The following FTO variants were observed in gnomAD, a reference collection of about 807,000 sequenced individuals.
The protein encoded by FTO is FTO alpha-ketoglutarate dependent dioxygenase.
A neutral mutation model predicts 63.9 loss-of-function variants in FTO; 47 were observed. That is an observed-to-expected ratio of 0.74 (90% CI 0.58 to 0.94). The LOEUF is 0.94. Ranked by LOEUF, FTO falls within the 40% of genes least tolerant of loss-of-function variation. The pLI is 0.00. For synonymous variants in FTO, 207 were observed against 224.4 expected, an observed-to-expected ratio of 0.92 and a Z score of 0.69; for missense variants, 562 against 618.1, an observed-to-expected ratio of 0.91 and a Z score of 0.96.
At chr16:54,020,591 C>G (rs1371703724) in intron 8 of FTO, among the ~76,000 whole-genome samples, 1 of 135,172 alleles carries the variant, frequency 7.4e-6, no homozygotes, top group Non-Finnish European at 1.6e-5. Context: ...AATTACACAA[C>G]AGAACGCTGT....
At chr16:53,711,741 G>A (rs919298930) in intron 1 of FTO, among the ~76,000 whole-genome samples, 19 of 152,056 alleles carry the variant, frequency 1.2e-4, no homozygotes, top group Non-Finnish European at 2.5e-4. Flanking sequence ...AATAGAACTA[G>A]TTTATTATGG....
intron 1 of FTO, among the ~76,000 whole-genome samples, chr16:53,790,787 G>A (rs2077893711): frequency 6.6e-6 from 1 of 151,968 alleles, no homozygotes; most frequent in Admixed American, 6.6e-5. Flanking sequence ...AAGAAGATGA[G>A]ATTGCCTAAA....
intron 3 of FTO, among the ~76,000 whole-genome samples, chr16:53,833,000 A>G (rs1183748517): frequency 2.6e-5 from 4 of 152,186 alleles, no homozygotes; most frequent in Non-Finnish European, 5.9e-5. Flanking sequence ...GCAAATATCA[A>G]CTTGAATTGT....
chr16:53,755,067 T>C (rs987635757), intron 1 of FTO, among the ~76,000 whole-genome samples: 12 of 152,312 alleles, frequency 7.9e-5, no homozygotes, highest in African/African-American at 2.2e-4. Context: ...GTGTAAAACA[T>C]GTGTTAGAAG....
At chr16:53,994,211 GC>G (rs1361759424) in intron 8 of FTO, 2 of 152,132 alleles carry the variant, frequency 1.3e-5, no homozygotes, top group Non-Finnish European at 2.9e-5. Flanking sequence ...TTTATGAACA[GC>G]CCCCTCCCAC....
chr16:54,021,324 T>C (rs2084593670), intron 8 of FTO, among the ~76,000 whole-genome samples: 1 of 152,194 alleles, frequency 6.6e-6, no homozygotes. Flanking sequence ...TCAACACATT[T>C]GAGGGCAGCT....
At chr16:53,972,822 T>G (rs1167672633) in intron 8 of FTO, among the ~76,000 whole-genome samples, 1 of 152,094 alleles carries the variant, frequency 6.6e-6, no homozygotes, top group Admixed American at 6.5e-5. Flanking sequence ...TTGTGGAGAG[T>G]GCAGGGAAAT....
At chr16:53,824,012 T>A (rs1409175656) in intron 2 of FTO, among the ~76,000 whole-genome samples, 1 of 152,236 alleles carries the variant, frequency 6.6e-6, no homozygotes, top group East Asian at 1.9e-4. Flanking sequence ...TTGTCTCTAT[T>A]TTAGTCCAGA....
chr16:53,963,910 G>T (rs2083140723), intron 8 of FTO, among the ~76,000 whole-genome samples: 1 of 152,162 alleles, frequency 6.6e-6, no homozygotes, highest in Admixed American at 6.5e-5. Flanking sequence ...CCGCCACAAT[G>T]CCTGGCTAAT....
At chr16:53,881,123 A>G in intron 6 of FTO, among the ~76,000 whole-genome samples, 1 of 108,618 alleles carries the variant, frequency 9.2e-6, no homozygotes, top group East Asian at 4.3e-4. Flanking sequence ...CTCCGTCTCA[A>G]AATAAATAAA....
chr16:53,963,533 C>T lies in FTO; in HGVS notation c.1364+29424C>T, dbSNP rs60556488. ...AGAGTTCTCATGAATGGTTTAGCAC[C>T]GTCCACCCTTGGTACTGTGTAGTGA... On this transcript the variant is annotated intron_variant, in intron 8 of 8. Coordinates refer to ENST00000471389, the MANE Select transcript of FTO (RefSeq NM_001080432.3). Among the ~76,000 whole-genome samples, 536 of 152,252 alleles carry T rather than the reference C, an allele frequency of 3.5e-3. 4 individuals carry two copies. The highest frequency in any genetic ancestry group is 0.012 in the African/African-American group (516 of 41,546).
chr16:53,958,005 AATTAT>A (rs1393607133), intron 8 of FTO, among the ~76,000 whole-genome samples: 1 of 152,312 alleles, frequency 6.6e-6, no homozygotes, highest in Non-Finnish European at 1.5e-5. Context: ...TAGCTACATG[AATTAT>A]ATTATTTATA....
At chr16:53,878,738 C>T (rs1214290978) in intron 5 of FTO, among the ~76,000 whole-genome samples, 2 of 152,188 alleles carry the variant, frequency 1.3e-5, no homozygotes, top group Non-Finnish European at 2.9e-5. Context: ...GTGCATTGGC[C>T]TCTTTTCCAA....
intron 7 of FTO, among the ~76,000 whole-genome samples, chr16:53,921,384 AG>A (rs1377570629): frequency 1.3e-5 from 2 of 152,212 alleles, no homozygotes; most frequent in African/African-American, 4.8e-5. Context: ...CACTTGTCCA[AG>A]GATCGGAAAG....
intron 7 of FTO, among the ~76,000 whole-genome samples, chr16:53,926,911 TAAACAAAG>T (rs2143109584): frequency 6.6e-6 from 1 of 152,212 alleles, no homozygotes; most frequent in East Asian, 1.9e-4. Flanking sequence ...GAAGCATATA[TAAACAAAG>T]GTGCTCTGGT....
At position 54,097,971 on chromosome 16, in the gene FTO, G is replaced by A. The variant is rs77612575; in HGVS notation, c.1365-13791G>A. ...AGGAGTGTTCAAGGGAGAAGGAGCAGCAGGTTCTAATATGCTGAGACTGCT... is the reference window on the plus strand; with the variant it reads ...AGGAGTGTTCAAGGGAGAAGGAGCAACAGGTTCTAATATGCTGAGACTGCT... On this transcript the variant is annotated intron_variant, in intron 8 of 8. Transcript: ENST00000471389. 6.3e-3 allele frequency among the ~76,000 whole-genome samples: 962 copies of A among 152,252 alleles called. 12 individuals carry two copies. Among genetic ancestry groups the A allele is most frequent in the African/African-American group, 0.022 (933 of 41,548 alleles).
chr16:53,839,378 G>T (rs1255905609), intron 3 of FTO, among the ~76,000 whole-genome samples: 1 of 152,076 alleles, frequency 6.6e-6, no homozygotes, highest in Non-Finnish European at 1.5e-5. Flanking sequence ...GTTGCTATAG[G>T]TAATTACAAG....
At chr16:53,878,990 G>A (rs112747057) in intron 5 of FTO, among the ~76,000 whole-genome samples, 4,386 of 152,248 alleles carry the variant, frequency 0.029, 237 homozygotes, top group African/African-American at 0.1. Flanking sequence ...TCTTTGCCTT[G>A]TGATTATAAC....
chr16:54,063,101 G>A (rs970636275), intron 8 of FTO, among the ~76,000 whole-genome samples: 2 of 152,316 alleles, frequency 1.3e-5, no homozygotes, highest in South Asian at 2.1e-4. Context: ...TAGAACTGTG[G>A]ATGTTGTGTC....
Sources: gnomAD v4.1 joint callset for allele counts (sites outside exome capture counted in the v4.1 genomes callset) on GRCh38, gnomAD v4.1.1 for gene constraint, MANE v1.5 for transcripts, NCBI Gene and HGNC (gene_info 2026-07-23, HGNC 2026-07-21) for gene names.